SFRP1: variants seen among roughly 807,000 people sequenced by gnomAD.
The protein encoded by SFRP1 is secreted frizzled-related protein 1.
A neutral mutation model predicts 25.9 loss-of-function variants in SFRP1; 9 were observed. That is an observed-to-expected ratio of 0.35 (90% confidence interval 0.21 to 0.61). SFRP1 has a LOEUF of 0.61. SFRP1 is among the 20% of genes least tolerant of loss of function. The pLI is 0.78. For synonymous variants in SFRP1, 178 were observed against 174.0 expected (o/e 1.02, Z -0.18); for missense variants, 346 against 418.2 (o/e 0.83, Z 1.51).
At position 41,292,470 on chromosome 8, in the gene SFRP1, C is replaced by G. The variant is rs574175098; in HGVS notation, c.622+10991G>C. Among the ~76,000 whole-genome samples, 5 of 152,310 alleles carry G rather than the reference C, an allele frequency of 3.3e-5. No individual in the cohort carries two copies. In the East Asian group the frequency reaches 9.7e-4, roughly 29 times the overall value. Reference sequence around the variant, plus strand: ...TCACCTGCCACCATATAAGATGTGCCTGCTTCCCTTTATGCCATGACTGTA... The same window carrying G: ...TCACCTGCCACCATATAAGATGTGCGTGCTTCCCTTTATGCCATGACTGTA... On this transcript the variant is annotated intron_variant, in intron 2 of 2. Coordinates refer to ENST00000220772, the MANE Select transcript of SFRP1 (RefSeq NM_003012.5).
chr8:41,290,234 C>A (rs4736964), intron 2 of SFRP1, among the ~76,000 whole-genome samples: 23,712 of 152,222 alleles, frequency 0.16, 2,252 homozygotes, highest in East Asian at 0.3. Context: ...GCAGATATAA[C>A]CCCACGTGCA....
At chr8:41,307,247 T>G (rs1804009479) in intron 1 of SFRP1, among the ~76,000 whole-genome samples, 2 of 152,134 alleles carry the variant, frequency 1.3e-5, no homozygotes, top group African/African-American at 4.8e-5. Context: ...AACACCAGAG[T>G]TGACTCTGAG....
intron 2 of SFRP1, among the ~76,000 whole-genome samples, chr8:41,294,441 A>G (rs10958671): frequency 0.18 from 27,876 of 152,152 alleles, 2,831 homozygotes; most frequent in South Asian, 0.27. Flanking sequence ...GGCTAGAGAA[A>G]ACAAGAGAGA....
rs1803382732 is a variant in SFRP1 at position 41,262,110 on chromosome 8, G to T, written c.*3057C>A. ...ATGCAGTTAAAAAAACAACACAAAT[G>T]AAATGGAATGTAAAACATTTTCACA... On this transcript the variant is annotated 3_prime_UTR_variant, in exon 3 of 3. Transcript: ENST00000220772. 1 of 152,462 alleles carries T rather than the reference G, an allele frequency of 6.6e-6. No individual in the cohort carries two copies. Among genetic ancestry groups the T allele is most frequent in the South Asian group, 2.1e-4 (1 of 4,812 alleles). The allele number at this position is 152,462 out of a possible 1,614,324, so 9.4% of individuals were successfully genotyped here.
intron 2 of SFRP1, among the ~76,000 whole-genome samples, chr8:41,275,508 TG>T (rs1284189538): frequency 7.0e-6 from 1 of 143,242 alleles, no homozygotes; most frequent in African/African-American, 2.8e-5. Context: ...AAACTCTTTT[TG>T]TTTTTTTTTT....
chr8:41,296,686 T>A (rs965083541), intron 2 of SFRP1, among the ~76,000 whole-genome samples: 15 of 152,030 alleles, frequency 9.9e-5, no homozygotes, highest in African/African-American at 3.6e-4. Flanking sequence ...GCCCCAGAGA[T>A]ATCGCTGGAG....
chr8:41,282,574 T>C (rs1480272771), intron 2 of SFRP1, among the ~76,000 whole-genome samples: 1 of 149,330 alleles, frequency 6.7e-6, no homozygotes, highest in African/African-American at 2.6e-5. Flanking sequence ...ATAAATAAAA[T>C]AAAATTTTAA....
intron 2 of SFRP1, among the ~76,000 whole-genome samples, chr8:41,273,529 G>T (rs1306354171): frequency 6.6e-6 from 1 of 152,024 alleles, no homozygotes; most frequent in Non-Finnish European, 1.5e-5. Flanking sequence ...AGTAATAATT[G>T]TATAAACTTA....
At position 41,286,109 on chromosome 8, in the gene SFRP1, C is replaced by T. The variant is rs938388122; in HGVS notation, c.622+17352G>A. Reference sequence around the variant, plus strand: ...CTGGCATCACCCCACTTCCAAAGAGCGTCGGGAATGGGGGGACAGGGATGG... The same window carrying T: ...CTGGCATCACCCCACTTCCAAAGAGTGTCGGGAATGGGGGGACAGGGATGG... On this transcript the variant is annotated intron_variant, in intron 2 of 2. Transcript: ENST00000220772. 2.6e-5 allele frequency among the ~76,000 whole-genome samples: 4 copies of T among 151,988 alleles called. No homozygotes were observed. The South Asian group carries it at 8.3e-4, about 32-fold the overall frequency.
chr8:41,306,692 C>T, intron 1 of SFRP1: 1 of 1,593,992 alleles, frequency 6.3e-7, no homozygotes, highest in East Asian at 2.2e-5. Context: ...CTCTTTGCTC[C>T]TCAAAGACCT....
intron 2 of SFRP1, among the ~76,000 whole-genome samples, chr8:41,281,783 A>G (rs1223613877): frequency 1.3e-5 from 2 of 152,178 alleles, no homozygotes; most frequent in Non-Finnish European, 2.9e-5. Flanking sequence ...TTTCATATAC[A>G]TGGCCAACTG....
chr8:41,307,566 C>T (rs904041704), intron 1 of SFRP1, among the ~76,000 whole-genome samples: 2 of 152,208 alleles, frequency 1.3e-5, no homozygotes, highest in African/African-American at 4.8e-5. Flanking sequence ...CTGTGCTAAG[C>T]GCAGCTGGGG....
intron 2 of SFRP1, among the ~76,000 whole-genome samples, chr8:41,288,720 T>C (rs984976352): frequency 3.6e-4 from 55 of 152,094 alleles, no homozygotes; most frequent in African/African-American, 1.3e-3. Flanking sequence ...GACTAGTAAA[T>C]TGTGGGGCAG....
chr8:41,303,581 G>A (rs1199107445), intron 1 of SFRP1, 43 bp from the exon 2 acceptor site: 1 of 1,522,570 alleles, frequency 6.6e-7, no homozygotes, highest in East Asian at 2.3e-5. Context: ...AAGTTACAGA[G>A]CAGGAAGGGA....
In SFRP1 at chr8:41,263,843, C is replaced by G. The variant is rs908612091; in HGVS notation, c.*1324G>C. The G allele has an allele frequency of 2.6e-5, 4 of 152,216 alleles. No individual in the cohort carries two copies. The highest frequency in any genetic ancestry group is 9.7e-5 in the African/African-American group (4 of 41,450). 9.4% of individuals were successfully genotyped at this position (152,216 alleles called of 1,614,324 possible). The stretch of plus-strand genomic sequence containing the variant: ...CACCCCACCCATGTCAACTTTCCAT[C>G]TGCAGAAATGAAACAAATATATGTA... On this transcript the variant is annotated 3_prime_UTR_variant, in exon 3 of 3. Coordinates refer to ENST00000220772, the MANE Select transcript of SFRP1 (RefSeq NM_003012.5).
At chr8:41,294,953 C>A (rs185431871) in intron 2 of SFRP1, among the ~76,000 whole-genome samples, 1 of 152,264 alleles carries the variant, frequency 6.6e-6, no homozygotes, top group East Asian at 1.9e-4. Context: ...TAAACTCAGC[C>A]CTGCAGGAAG....
intron 2 of SFRP1, among the ~76,000 whole-genome samples, chr8:41,284,172 A>G (rs1803669596): frequency 2.0e-5 from 3 of 152,178 alleles, no homozygotes; most frequent in Admixed American, 6.5e-5. Context: ...AATAAGAAAG[A>G]GTCTGGTTCA....
At chr8:41,297,338 C>T (rs185204238) in intron 2 of SFRP1, among the ~76,000 whole-genome samples, 1 of 152,136 alleles carries the variant, frequency 6.6e-6, no homozygotes, top group Admixed American at 6.5e-5. Context: ...GTCACCGTGC[C>T]CAGCAGCCTA....
chr8:41,266,998 A>T (rs1803444015), intron 2 of SFRP1, among the ~76,000 whole-genome samples: 1 of 152,250 alleles, frequency 6.6e-6, no homozygotes, highest in Non-Finnish European at 1.5e-5. Context: ...GTATCAGTCA[A>T]TCGCTAATCA....
Sources: allele counts gnomAD v4.1 joint callset (sites outside exome capture counted in the v4.1 genomes callset), GRCh38; gene constraint gnomAD v4.1.1; transcripts MANE v1.5; gene names NCBI Gene and HGNC (gene_info 2026-07-23, HGNC 2026-07-21).